BCL11A: variants seen among roughly 807,000 people sequenced by gnomAD.
BCL11A encodes the protein B cell CLL/lymphoma 11A.
Under a neutral mutation model 55.9 loss-of-function variants are expected in BCL11A, and 2 were observed. The observed-to-expected ratio is 0.04, with a 90% CI of 0.01 to 0.11. The LOEUF is 0.11. Ranked by LOEUF, BCL11A falls within the 10% of genes least tolerant of loss-of-function variation. The pLI is 1.00. For synonymous variants in BCL11A, 465 were observed against 473.4 expected (o/e 0.98, Z 0.23); for missense variants, 817 against 1,137.1 (o/e 0.72, Z 4.05).
chr2:60,491,689 GA>G (rs759978839), intron 2 of BCL11A, among the ~76,000 whole-genome samples: 110 of 134,718 alleles, frequency 8.2e-4, no homozygotes, highest in African/African-American at 1.4e-3. Context: ...AAAGAAAAAA[GA>G]AAAAAAAAAA....
chr2:60,461,170 T>C lies in BCL11A; in HGVS notation c.1742A>G (p.His581Arg), dbSNP rs1265342620. 6.2e-7 allele frequency: 1 copy of C among 1,612,516 alleles called. No homozygotes were observed. The highest frequency in any genetic ancestry group is 1.3e-5 in the African/African-American group (1 of 74,924). ...CGAGTCTTCGTCGCAAGTGTCCCTG[T>C]GGCCCTCGGCCTCGGCCAGGTGGCC... The part of the protein sequence containing the change: ...KRGHLAEAEG[H>R]RDTCDEDSVA... Residue 581 changes from histidine to arginine, a missense_variant, in exon 4 of 4, where the codon CAC (histidine) becomes CGC (arginine). His to Arg is a conservative substitution (Grantham distance 29). This residue lies in a region of BCL11A where 379 missense variants were observed against 425.3 expected (regional missense o/e 0.89). Transcript: ENST00000642384.
At chr2:60,468,662 A>G in intron 3 of BCL11A, 70 bp downstream of exon 3, 1 of 1,174,796 alleles carries the variant, frequency 8.5e-7, no homozygotes, top group Non-Finnish European at 1.3e-6. Flanking sequence ...CTTAAAAAGT[A>G]AGGGCAATTT....
At chr2:60,549,475 C>T (rs956307031) in intron 1 of BCL11A, among the ~76,000 whole-genome samples, 1 of 152,376 alleles carries the variant, frequency 6.6e-6, no homozygotes, top group Middle Eastern at 3.4e-3. Flanking sequence ...GGGCTACAGG[C>T]CCGGGGCAGG....
chr2:60,541,475 T>C (rs1380860140), intron 2 of BCL11A, among the ~76,000 whole-genome samples: 2 of 152,256 alleles, frequency 1.3e-5, no homozygotes, highest in East Asian at 3.8e-4. Context: ...GTGACAGTTC[T>C]ATTTACAATT....
intron 2 of BCL11A, among the ~76,000 whole-genome samples, chr2:60,538,852 A>T (rs1407078272): frequency 6.6e-6 from 1 of 151,914 alleles, no homozygotes; most frequent in Admixed American, 6.6e-5. Context: ...TTCAAATCAC[A>T]TACTTTTAAC....
chr2:60,527,613 T>C (rs1669263164), intron 2 of BCL11A: 2 of 152,314 alleles, frequency 1.3e-5, no homozygotes, highest in African/African-American at 4.8e-5. Flanking sequence ...TTCTTTGTGA[T>C]GGATCTGAAC....
intron 3 of BCL11A, among the ~76,000 whole-genome samples, chr2:60,468,109 GGCAGTGGTGGTT>G (rs1676987794): frequency 4.8e-5 from 5 of 104,494 alleles, no homozygotes; most frequent in South Asian, 3.7e-4. Flanking sequence ...TGGTGATGGT[GGCAGTGGTGGTT>G]GTGGTGGTGG....
chr2:60,520,024 C>A, intron 2 of BCL11A, among the ~76,000 whole-genome samples: 1 of 152,114 alleles, frequency 6.6e-6, no homozygotes. Context: ...TCAAATAATT[C>A]GGCCTAAATT....
Position 60,458,086 on chromosome 2 carries a change from G to A in BCL11A, c.*2318C>T. ...ACATTGATACCTTTTAAGAGAACAA[G>A]CAACAGTTAAAAATACAAGCTTCAA... On this transcript the variant is annotated 3_prime_UTR_variant, in exon 4 of 4. Transcript: ENST00000642384. 2 of 1,029,800 alleles carry A rather than the reference G, an allele frequency of 1.9e-6. No homozygotes were observed. The highest frequency in any genetic ancestry group is 2.3e-6 in the Non-Finnish European group (2 of 857,542). The allele number at this position is 1,029,800 out of a possible 1,614,324, so 63.8% of individuals were successfully genotyped here.
intron 1 of BCL11A, among the ~76,000 whole-genome samples, chr2:60,552,516 G>T (rs887884174): frequency 6.6e-6 from 1 of 152,156 alleles, no homozygotes; most frequent in Non-Finnish European, 1.5e-5. Flanking sequence ...GGAACAAAAG[G>T]CGGCAGTGCC....
chr2:60,509,521 T>G (rs776143254), intron 2 of BCL11A, among the ~76,000 whole-genome samples: 1 of 152,068 alleles, frequency 6.6e-6, no homozygotes, highest in African/African-American at 2.4e-5. Context: ...TTCCTAAATA[T>G]CACCAATTAA....
intron 2 of BCL11A, among the ~76,000 whole-genome samples, chr2:60,510,326 G>T (rs531963894): frequency 6.6e-6 from 1 of 152,112 alleles, no homozygotes; most frequent in East Asian, 1.9e-4. Context: ...AGGGCCCCTT[G>T]CTCCTCCTCC....
At chr2:60,482,552 T>A (rs1678021771) in intron 2 of BCL11A, among the ~76,000 whole-genome samples, 1 of 152,186 alleles carries the variant, frequency 6.6e-6, no homozygotes, top group Non-Finnish European at 1.5e-5. Context: ...ATTTATAGAT[T>A]TGCAGATGAA....
intron 2 of BCL11A, chr2:60,535,257 AG>A (rs1310274055): frequency 6.6e-6 from 1 of 152,238 alleles, no homozygotes; most frequent in Non-Finnish European, 1.5e-5. Flanking sequence ...CAAAAAGCAA[AG>A]GGTTTTTCTT....
At chr2:60,473,423 A>C (rs1172793909) in intron 2 of BCL11A, among the ~76,000 whole-genome samples, 1 of 152,132 alleles carries the variant, frequency 6.6e-6, no homozygotes, top group African/African-American at 2.4e-5. Context: ...GACTACCTAC[A>C]GTCCTTTCGC....
At chr2:60,469,294 A>G (rs931998289) in intron 2 of BCL11A, among the ~76,000 whole-genome samples, 8 of 152,164 alleles carry the variant, frequency 5.3e-5, no homozygotes, top group African/African-American at 1.9e-4. Flanking sequence ...AAATGAGTAG[A>G]TTTGTGAATC....
intron 2 of BCL11A, among the ~76,000 whole-genome samples, chr2:60,489,881 T>G (rs1331749602): frequency 6.6e-6 from 1 of 152,182 alleles, no homozygotes; most frequent in Non-Finnish European, 1.5e-5. Context: ...GATGCCTGCC[T>G]TATTTTGTCA....
intron 2 of BCL11A, among the ~76,000 whole-genome samples, chr2:60,512,237 C>G (rs1024185225): frequency 2.6e-5 from 4 of 152,208 alleles, no homozygotes; most frequent in African/African-American, 9.6e-5. Context: ...AGAGCCCCAC[C>G]TGTCACTGTG....
intron 2 of BCL11A, chr2:60,524,394 G>A (rs907454985): frequency 3.3e-5 from 5 of 152,114 alleles, no homozygotes; most frequent in Admixed American, 1.3e-4. Flanking sequence ...GCCTCTGGGG[G>A]GCTGCCATTC....
Sources: gnomAD v4.1 joint callset for allele counts (sites outside exome capture counted in the v4.1 genomes callset) on GRCh38, gnomAD v4.1.1 for gene constraint, gnomAD v4.1.1 regional missense constraint, MANE v1.5 for transcripts, NCBI Gene and HGNC (gene_info 2026-07-23, HGNC 2026-07-21) for gene names.